Variants in SLC4A5 observed in about 807,000 individuals in gnomAD.
The protein encoded by SLC4A5 is solute carrier family 4 member 5, also known as electrogenic sodium bicarbonate cotransporter 4.
A neutral mutation model predicts 120.4 loss-of-function variants in SLC4A5; 96 were observed. The ratio of observed to expected loss-of-function variants is 0.80; its 90% confidence interval spans 0.68 to 0.94. The LOEUF (loss-of-function observed/expected upper bound fraction) is 0.94, where lower values mean the gene tolerates loss of function less well. Ranked by LOEUF, SLC4A5 falls within the 40% of genes least tolerant of loss-of-function variation. The pLI is 0.00. For missense variants in SLC4A5, 1,259 were observed against 1,459.5 expected, an observed-to-expected ratio of 0.86 and a Z score of 2.24; for synonymous variants, 550 against 571.1, an observed-to-expected ratio of 0.96 and a Z score of 0.53.
At chr2:74,297,598 T>C (rs368200704) in intron 7 of SLC4A5, among the ~76,000 whole-genome samples, 2 of 152,216 alleles carry the variant, frequency 1.3e-5, no homozygotes, top group Non-Finnish European at 2.9e-5. Context: ...TTTCTAAAGC[T>C]GCTTCTAATC....
At chr2:74,328,691 G>C (rs1380326999) in intron 4 of SLC4A5, among the ~76,000 whole-genome samples, 1 of 152,182 alleles carries the variant, frequency 6.6e-6, no homozygotes, top group African/African-American at 2.4e-5. Context: ...CATGACCCCA[G>C]TTGGCTCAAA....
intron 30 of SLC4A5, among the ~76,000 whole-genome samples, chr2:74,220,868 T>G (rs1694618712): frequency 7.4e-6 from 1 of 135,110 alleles, no homozygotes; most frequent in African/African-American, 2.9e-5. Flanking sequence ...TGAGATGGAG[T>G]CTCACTCTGT....
intron 25 of SLC4A5, 55 bp from the exon 26 acceptor site, chr2:74,227,933 C>T: frequency 7.1e-7 from 1 of 1,408,722 alleles, no homozygotes; most frequent in Non-Finnish European, 9.6e-7. Context: ...CCCTTGGCCA[C>T]CCTGTTCTGG....
chr2:74,219,201 G>A (rs1253567701), intron 30 of SLC4A5, among the ~76,000 whole-genome samples: 1 of 129,262 alleles, frequency 7.7e-6, no homozygotes, highest in East Asian at 2.0e-4. Flanking sequence ...GTGTGTGTGT[G>A]TGTGTGTGTG....
intron 26 of SLC4A5, 150 bp from the exon 27 acceptor site, chr2:74,227,280 G>T: frequency 1.9e-6 from 2 of 1,028,600 alleles, no homozygotes; most frequent in Non-Finnish European, 2.8e-6. Context: ...GGCTGGAGGT[G>T]TCTAGGCGGA....
intron 5 of SLC4A5, chr2:74,319,542 C>T (rs1447330446): frequency 1.3e-5 from 2 of 152,124 alleles, no homozygotes; most frequent in African/African-American, 2.4e-5. Context: ...AATATAGTTG[C>T]TTTCTTGGCA....
chr2:74,232,906 G>T (rs1294156112), intron 23 of SLC4A5, among the ~76,000 whole-genome samples: 1 of 152,206 alleles, frequency 6.6e-6, no homozygotes, highest in African/African-American at 2.4e-5. Context: ...TCTCTGGGGA[G>T]AAGGGCCCAG....
chr2:74,240,769 C>CA (rs5832130), intron 20 of SLC4A5, among the ~76,000 whole-genome samples: 69,202 of 141,994 alleles, frequency 0.49, 16,537 homozygotes, highest in African/African-American at 0.54. Context: ...GACCCCATCT[C>CA]AAAAAAAAAA....
chr2:74,237,717 C>A (rs1489192687), intron 21 of SLC4A5, among the ~76,000 whole-genome samples: 3 of 152,082 alleles, frequency 2.0e-5, no homozygotes, highest in East Asian at 1.9e-4. Flanking sequence ...GAGTACCCCC[C>A]ACCCCACGGC....
At chr2:74,248,398 G>C in exon 18 of SLC4A5, 1 of 1,614,190 alleles carries the variant, frequency 6.2e-7, no homozygotes, top group Non-Finnish European at 8.5e-7. Flanking sequence ...GATGGGCCCC[G>C]TGCTGCTGAG....
In SLC4A5 at chr2:74,335,891, T is replaced by TATAA. The variant is rs1284553582; in HGVS notation, c.-220-1715_-220-1714insTTAT. Among the ~76,000 whole-genome samples the TATAA allele has an allele frequency of 6.2e-4, 95 of 152,288 alleles. 1 individual carries two copies. Among genetic ancestry groups the TATAA allele is most frequent in the African/African-American group, 2.2e-3 (92 of 41,566 alleles). ...AAATATGCTTAAGTTCAGACATTTA[T>TATAA]ATATATTTTAAATACAATTCCAAGG... On this transcript the variant is annotated intron_variant, in intron 3 of 30. Transcript: ENST00000394019.
intron 7 of SLC4A5, among the ~76,000 whole-genome samples, chr2:74,299,789 C>T (rs1443483005): frequency 6.6e-6 from 1 of 152,120 alleles, no homozygotes; most frequent in Admixed American, 6.5e-5. Context: ...ATTGGTACAG[C>T]CATTATGGAA....
intron 6 of SLC4A5, among the ~76,000 whole-genome samples, chr2:74,312,902 A>G (rs889831147): frequency 2.6e-5 from 4 of 152,180 alleles, no homozygotes; most frequent in African/African-American, 4.8e-5. Context: ...ACTGCACTCC[A>G]GCCTGAGTGA....
At chr2:74,241,212 C>A (rs1422329284) in intron 20 of SLC4A5, among the ~76,000 whole-genome samples, 1 of 151,662 alleles carries the variant, frequency 6.6e-6, no homozygotes, top group African/African-American at 2.4e-5. Flanking sequence ...TATTTACCAT[C>A]CCTCATCTCT....
exon 7 of SLC4A5, chr2:74,304,611 T>C: frequency 6.2e-7 from 1 of 1,614,210 alleles, no homozygotes; most frequent in Non-Finnish European, 8.5e-7. Context: ...GCCTGAAAGA[T>C]GTCCCTTCTG....
intron 7 of SLC4A5, chr2:74,290,290 T>C: frequency 1.0e-6 from 1 of 985,572 alleles, no homozygotes; most frequent in South Asian, 4.7e-5. Context: ...CTGTCGATGC[T>C]GCCTCTGGCC....
At chr2:74,311,754 G>C (rs1672811604) in intron 6 of SLC4A5, among the ~76,000 whole-genome samples, 1 of 152,050 alleles carries the variant, frequency 6.6e-6, no homozygotes, top group African/African-American at 2.4e-5. Context: ...TTCTACATGA[G>C]CTTGAGAAGA....
intron 12 of SLC4A5, 22 bp downstream of exon 12, chr2:74,259,566 C>A: frequency 6.2e-7 from 1 of 1,613,818 alleles, no homozygotes; most frequent in Non-Finnish European, 8.5e-7. Context: ...TCCATTGCAG[C>A]TAAGTGCAGG....
At chr2:74,303,299 C>G (rs1198977610) in intron 7 of SLC4A5, among the ~76,000 whole-genome samples, 2 of 152,126 alleles carry the variant, frequency 1.3e-5, no homozygotes, top group Admixed American at 6.6e-5. Context: ...TTGGGGGTAG[C>G]TCCCATGGCC....
Sources: allele counts gnomAD v4.1 joint callset (sites outside exome capture counted in the v4.1 genomes callset), GRCh38; gene constraint gnomAD v4.1.1; transcripts MANE v1.5; gene names NCBI Gene and HGNC (gene_info 2026-07-23, HGNC 2026-07-21).